Variants in CDC5L observed in about 807,000 individuals in gnomAD.
CDC5L encodes cell division cycle 5-like protein.
CDC5L carries 18 observed loss-of-function variants against 104.1 expected under a neutral mutation model. The observed-to-expected ratio is 0.17, with a 90% CI of 0.12 to 0.26. The LOEUF (loss-of-function observed/expected upper bound fraction) is 0.26. Among genes scored for constraint, CDC5L ranks in the 10% least tolerant of loss-of-function variants. The pLI is 1.00. For missense variants in CDC5L, 673 were observed against 956.9 expected (o/e 0.70, Z 3.91); for synonymous variants, 331 against 322.7 (o/e 1.03, Z -0.28).
intron 13 of CDC5L, among the ~76,000 whole-genome samples, chr6:44,427,943 T>A (rs1792501445): frequency 6.6e-6 from 1 of 152,170 alleles, no homozygotes; most frequent in Non-Finnish European, 1.5e-5. Context: ...TTTTGAAAAA[T>A]AATAATTCTA....
chr6:44,398,309 C>T (rs1790963516), intron 5 of CDC5L, among the ~76,000 whole-genome samples: 2 of 152,130 alleles, frequency 1.3e-5, no homozygotes, highest in Non-Finnish European at 2.9e-5. Flanking sequence ...CCATTTTTAT[C>T]CATGGTTGTA....
intron 14 of CDC5L, among the ~76,000 whole-genome samples, chr6:44,444,796 A>G (rs1793371722): frequency 6.6e-6 from 1 of 152,128 alleles, no homozygotes; most frequent in Admixed American, 6.5e-5. Context: ...TTTAGGATAT[A>G]GTCCTTTGGG....
At chr6:44,437,702 G>A (rs59843739) in intron 14 of CDC5L, among the ~76,000 whole-genome samples, 5 of 152,142 alleles carry the variant, frequency 3.3e-5, no homozygotes, top group African/African-American at 1.2e-4. Flanking sequence ...AATACTAAAC[G>A]TACCTTGATG....
intron 12 of CDC5L, 136 bp downstream of exon 12, chr6:44,426,319 A>G (rs1792420651): frequency 3.9e-6 from 3 of 770,810 alleles, no homozygotes; most frequent in South Asian, 2.0e-5. Flanking sequence ...TCTCAAATCC[A>G]ATCTTTAAAA....
chr6:44,407,096 T>A (rs569293523), intron 7 of CDC5L, among the ~76,000 whole-genome samples: 2 of 152,310 alleles, frequency 1.3e-5, no homozygotes, highest in East Asian at 3.9e-4. Flanking sequence ...GGCTTTAGGC[T>A]TCTTTTTGTA....
At chr6:44,391,832 C>T (rs1162881435) in intron 2 of CDC5L, among the ~76,000 whole-genome samples, 1 of 151,736 alleles carries the variant, frequency 6.6e-6, no homozygotes, top group East Asian at 1.9e-4. Flanking sequence ...ATGGTGAAAA[C>T]CCCGTCTCTT....
chr6:44,408,753 C>T (rs1421854576), intron 8 of CDC5L, 121 bp downstream of exon 8: 5 of 570,658 alleles, frequency 8.8e-6, no homozygotes, highest in Non-Finnish European at 1.5e-5. Context: ...AAACTGAGTC[C>T]TGAATGCATA....
rs1410405732 is a variant in CDC5L, at chr6:44,449,730, C to G, written c.*3019C>G. On this transcript the variant is annotated 3_prime_UTR_variant, in exon 16 of 16. Coordinates refer to ENST00000371477, the MANE Select transcript of CDC5L (RefSeq NM_001253.4). The stretch of plus-strand genomic sequence containing the variant: ...AAAACGACATCAAAGAAAAACTACA[C>G]TACAGTGACTGCAGACTTAATGTTG... The G allele has an allele frequency of 6.6e-6, 1 of 152,270 alleles. No homozygotes were observed. Among genetic ancestry groups the G allele is most frequent in the South Asian group, 2.1e-4 (1 of 4,832 alleles). The allele number at this position is 152,270 out of a possible 1,614,324, so 9.4% of individuals were successfully genotyped here.
chr6:44,398,185 G>A (rs1049054345), intron 5 of CDC5L, among the ~76,000 whole-genome samples: 6 of 152,178 alleles, frequency 3.9e-5, no homozygotes, highest in Non-Finnish European at 7.3e-5. Flanking sequence ...GCCGGGGACA[G>A]TAAACAGAAA....
Position 44,402,290 on chromosome 6 carries a change from A to G in CDC5L, c.540-1519A>G, listed in dbSNP as rs556438194. 1.0e-3 allele frequency among the ~76,000 whole-genome samples: 152 copies of G among 151,456 alleles called. 2 individuals are homozygous for G. Among genetic ancestry groups the G allele is most frequent in the African/African-American group, 2.5e-3 (105 of 41,228 alleles). ...CCACCAACAGTGTAAAAGTGTTCCT[A>G]TTTCTCCACATCCTCTCCAGCACCT... On this transcript the variant is annotated intron_variant, in intron 5 of 15. Transcript: ENST00000371477.
chr6:44,411,637 A>AGAGAGAGAGAGTGTGTGTGTGTGTGTGT lies in CDC5L; in HGVS notation c.1092+3006_1092+3007insAGAGAGAGAGTGTGTGTGTGTGTGTGTG. 4.0e-3 allele frequency among the ~76,000 whole-genome samples: 499 copies of AGAGAGAGAGAGTGTGTGTGTGTGTGTGT among 123,654 alleles called. 11 individuals carry two copies. Among genetic ancestry groups the AGAGAGAGAGAGTGTGTGTGTGTGTGTGT allele is most frequent in the South Asian group, 0.021 (54 of 2,632 alleles). The allele number at this position is 123,654 out of a possible 152,430, so 81.1% of individuals were successfully genotyped here. On this transcript the variant is annotated intron_variant, in intron 8 of 15. Transcript: ENST00000371477. ...GAGAGAGAGAGAGAGAGAGAGAGAG[A>AGAGAGAGAGAGTGTGTGTGTGTGTGTGT]GTGTGTGTGTGTGTGTGACTAAAAA...
chr6:44,430,104 GT>G (rs917933582), intron 14 of CDC5L, among the ~76,000 whole-genome samples, 194 bp downstream of exon 14: 44 of 145,242 alleles, frequency 3.0e-4, no homozygotes, highest in African/African-American at 1.1e-3. Context: ...TTTTGTTTTT[GT>G]TTTTTTTTTA....
intron 1 of CDC5L, among the ~76,000 whole-genome samples, chr6:44,389,322 A>T (rs1031239181): frequency 1.3e-5 from 2 of 152,228 alleles, no homozygotes; most frequent in Non-Finnish European, 2.9e-5. Flanking sequence ...ATCAAGTAAC[A>T]GTAGGATTCC....
At chr6:44,388,006 C>A in intron 1 of CDC5L, 138 bp downstream of exon 1, 1 of 731,606 alleles carries the variant, frequency 1.4e-6, no homozygotes, top group Admixed American at 2.9e-5. Flanking sequence ...ACCCTTGGGG[C>A]CCTTTCCGTG....
At chr6:44,395,654 T>C (rs1398126321) in intron 4 of CDC5L, among the ~76,000 whole-genome samples, 1 of 152,228 alleles carries the variant, frequency 6.6e-6, no homozygotes, top group Non-Finnish European at 1.5e-5. Flanking sequence ...CATTTAAAAA[T>C]AGAAATATCA....
chr6:44,389,948 C>T (rs116152869), intron 1 of CDC5L, among the ~76,000 whole-genome samples: 178 of 152,260 alleles, frequency 1.2e-3, no homozygotes, highest in African/African-American at 4.1e-3. Flanking sequence ...AGGACAGCCA[C>T]ACGTTGAAGA....
intron 13 of CDC5L, among the ~76,000 whole-genome samples, chr6:44,429,140 G>T (rs533275560): frequency 3.3e-5 from 5 of 149,648 alleles, no homozygotes; most frequent in African/African-American, 1.2e-4. Flanking sequence ...TTGTGCCTCA[G>T]CCTCCTGAGT....
chr6:44,408,202 T>C lies in CDC5L; in HGVS notation c.904-242T>C, dbSNP rs11571965. Among the ~76,000 whole-genome samples the C allele has an allele frequency of 7.9e-3, 1,208 of 152,124 alleles. 21 individuals are homozygous for C. The highest frequency in any genetic ancestry group is 0.028 in the African/African-American group (1,155 of 41,504). On this transcript the variant is annotated intron_variant, in intron 7 of 15. Transcript: ENST00000371477. ...GAACTTGTGATATTAATCACACAGCTTCAGCAATTCATTTTTCTGGAATAT... is the reference window on the plus strand; with the variant it reads ...GAACTTGTGATATTAATCACACAGCCTCAGCAATTCATTTTTCTGGAATAT...
chr6:44,422,619 C>G, intron 9 of CDC5L, 28 bp from the exon 10 acceptor site: 1 of 1,467,506 alleles, frequency 6.8e-7, no homozygotes, highest in East Asian at 2.5e-5. Flanking sequence ...AGTGGCACTT[C>G]TGTTAATTGG....
Sources: gnomAD v4.1 joint callset for allele counts (sites outside exome capture counted in the v4.1 genomes callset) on GRCh38, gnomAD v4.1.1 for gene constraint, MANE v1.5 for transcripts, NCBI Gene and HGNC (gene_info 2026-07-23, HGNC 2026-07-21) for gene names.